Variants in SLC24A2 observed in about 807,000 individuals in gnomAD.
SLC24A2 encodes solute carrier family 24 member 2, also known as sodium/potassium/calcium exchanger 2.
In SLC24A2, 36 loss-of-function variants were observed where a neutral mutation model predicts 62.0. That is an observed-to-expected ratio of 0.58 (90% CI 0.44 to 0.77). The LOEUF is 0.77. Among genes scored for constraint, SLC24A2 ranks in the 30% least tolerant of loss-of-function variants. The pLI, the probability that SLC24A2 is intolerant of heterozygous loss-of-function variation, is 0.00. For synonymous variants in SLC24A2, 358 were observed against 294.0 expected (o/e 1.22, Z -2.23); for missense variants, 846 against 817.9 (o/e 1.03, Z -0.42).
chr9:19,566,450 A>T (rs1013883179), intron 7 of SLC24A2, among the ~76,000 whole-genome samples: 9 of 149,756 alleles, frequency 6.0e-5, no homozygotes, highest in East Asian at 1.9e-4. Context: ...ATCATTAAAA[A>T]GTCAGGAAAC....
At chr9:19,804,314 AC>A in the SLC24A2 span, among the ~76,000 whole-genome samples, 1 of 152,238 alleles carries the variant, frequency 6.6e-6, no homozygotes, top group Non-Finnish European at 1.5e-5. Flanking sequence ...AATGTTTTGT[AC>A]CTCTTGAAAA....
At chr9:19,524,405 CAA>C (rs1833340622) in intron 9 of SLC24A2, among the ~76,000 whole-genome samples, 1 of 47,144 alleles carries the variant, frequency 2.1e-5, no homozygotes, top group African/African-American at 8.6e-5. Flanking sequence ...ACAACAAAAA[CAA>C]AAGATAAAGG....
chr9:20,045,358 G>T, the SLC24A2 span, among the ~76,000 whole-genome samples: 1 of 152,156 alleles, frequency 6.6e-6, no homozygotes, highest in Admixed American at 6.5e-5. Context: ...TGATACTTCA[G>T]CTAAGACTTG....
the SLC24A2 span, among the ~76,000 whole-genome samples, chr9:19,869,110 T>C: frequency 2.6e-5 from 4 of 152,228 alleles, no homozygotes; most frequent in Admixed American, 1.3e-4. Context: ...GCCTCCCAAG[T>C]AGCTGGGACC....
chr9:19,865,676 T>A, the SLC24A2 span, among the ~76,000 whole-genome samples: 1 of 152,176 alleles, frequency 6.6e-6, no homozygotes, highest in African/African-American at 2.4e-5. Context: ...GACCCCTATG[T>A]CTTGCCATAT....
chr9:20,237,119 C>T, the SLC24A2 span, among the ~76,000 whole-genome samples: 5 of 152,302 alleles, frequency 3.3e-5, no homozygotes, highest in South Asian at 1.0e-3. Context: ...CAGGTTACTC[C>T]TTGGCTATCT....
chr9:19,940,943 T>A, the SLC24A2 span, among the ~76,000 whole-genome samples: 1 of 152,170 alleles, frequency 6.6e-6, no homozygotes, highest in Non-Finnish European at 1.5e-5. Context: ...TTCAGGGAGA[T>A]AAAGAGACAT....
At chr9:20,122,489 C>A in the SLC24A2 span, among the ~76,000 whole-genome samples, 1 of 152,118 alleles carries the variant, frequency 6.6e-6, no homozygotes, top group Admixed American at 6.5e-5. Context: ...GAGTTTGAGA[C>A]CAGCCTGGCC....
At chr9:20,204,786 C>T in the SLC24A2 span, among the ~76,000 whole-genome samples, 2 of 150,404 alleles carry the variant, frequency 1.3e-5, no homozygotes, top group Non-Finnish European at 2.9e-5. Flanking sequence ...TTCTGTCACC[C>T]AGGCTGGAAT....
chr9:19,669,031 A>G (rs953635546), intron 2 of SLC24A2, among the ~76,000 whole-genome samples: 1 of 152,206 alleles, frequency 6.6e-6, no homozygotes, highest in Non-Finnish European at 1.5e-5. Flanking sequence ...TTGGCCTGGT[A>G]ATTTGAAGAT....
rs1821544048 is a variant in SLC24A2, at chr9:19,737,493, C to T, written c.930+48444G>A. Among the ~76,000 whole-genome samples the T allele has an allele frequency of 4.6e-5, 7 of 151,950 alleles. No individual in the cohort carries two copies. In the South Asian group the frequency reaches 1.0e-3, roughly 23 times the overall value. On this transcript the variant is annotated intron_variant, in intron 2 of 10. Transcript: ENST00000341998. ...TTATTTTACAAAGTATTTCCCATGCCTTTATTTTAGCAAATTTATCTCGTT... is the reference window on the plus strand; with the variant it reads ...TTATTTTACAAAGTATTTCCCATGCTTTTATTTTAGCAAATTTATCTCGTT...
the SLC24A2 span, among the ~76,000 whole-genome samples, chr9:20,010,097 G>A: frequency 2.4e-4 from 36 of 152,262 alleles, no homozygotes; most frequent in African/African-American, 7.9e-4. Context: ...CAGTGGTCTC[G>A]CTGAATCACA....
At chr9:20,250,586 A>C in the SLC24A2 span, among the ~76,000 whole-genome samples, 1 of 152,210 alleles carries the variant, frequency 6.6e-6, no homozygotes, top group Non-Finnish European at 1.5e-5. Context: ...TATAAATAAA[A>C]GAGTGGGAAT....
intron 2 of SLC24A2, among the ~76,000 whole-genome samples, chr9:19,702,451 C>T (rs1820383564): frequency 6.6e-6 from 1 of 152,156 alleles, no homozygotes; most frequent in Non-Finnish European, 1.5e-5. Flanking sequence ...TGGGGTTCTG[C>T]AAGATTTAAC....
the SLC24A2 span, among the ~76,000 whole-genome samples, chr9:19,914,600 C>T: frequency 6.6e-6 from 1 of 152,082 alleles, no homozygotes; most frequent in East Asian, 1.9e-4. Context: ...CTGAGCCAGG[C>T]AGAGGACATG....
At chr9:19,922,525 G>A in the SLC24A2 span, among the ~76,000 whole-genome samples, 2 of 152,164 alleles carry the variant, frequency 1.3e-5, no homozygotes, top group Non-Finnish European at 2.9e-5. Context: ...GGGGACTGAG[G>A]GTTTAAAAGA....
intron 2 of SLC24A2, among the ~76,000 whole-genome samples, chr9:19,679,739 T>C (rs1221688956): frequency 6.6e-6 from 1 of 152,170 alleles, no homozygotes; most frequent in Non-Finnish European, 1.5e-5. Flanking sequence ...ATCACACCAC[T>C]GGCTTTCTTC....
chr9:20,171,405 T>A, the SLC24A2 span, among the ~76,000 whole-genome samples: 1 of 152,052 alleles, frequency 6.6e-6, no homozygotes, highest in Non-Finnish European at 1.5e-5. Context: ...AATGCTCCAC[T>A]TAAAAGGTAC....
chr9:19,763,094 A>G (rs1822393927), intron 2 of SLC24A2, among the ~76,000 whole-genome samples: 1 of 151,916 alleles, frequency 6.6e-6, no homozygotes, highest in Admixed American at 6.6e-5. Context: ...TGTGAATGGG[A>G]GTTTGCTCAT....
Sources: gnomAD v4.1 joint callset for allele counts (sites outside exome capture counted in the v4.1 genomes callset) on GRCh38, gnomAD v4.1.1 for gene constraint, MANE v1.5 for transcripts, NCBI Gene and HGNC (gene_info 2026-07-23, HGNC 2026-07-21) for gene names.